Variants in C1GALT1 observed in about 807,000 individuals in gnomAD.
C1GALT1 encodes the protein glycoprotein-N-acetylgalactosamine 3-beta-galactosyltransferase 1.
Under a neutral mutation model 31.0 loss-of-function variants are expected in C1GALT1, and 11 were observed. The ratio of observed to expected loss-of-function variants is 0.36; its 90% CI spans 0.22 to 0.59. The LOEUF (loss-of-function observed/expected upper bound fraction) is 0.59. Ranked by LOEUF, C1GALT1 falls within the 20% of genes least tolerant of loss-of-function variation. The pLI is 0.79. For missense variants in C1GALT1, 424 were observed against 425.2 expected, an observed-to-expected ratio of 1.00 and a Z score of 0.03; for synonymous variants, 175 against 143.6, an observed-to-expected ratio of 1.22 and a Z score of -1.56.
intron 1 of C1GALT1, among the ~76,000 whole-genome samples, chr7:7,212,045 G>A (rs1023864713): frequency 6.6e-6 from 1 of 152,208 alleles, no homozygotes; most frequent in Non-Finnish European, 1.5e-5. Context: ...GTGTTAGCAA[G>A]AATGGTTATT....
intron 1 of C1GALT1, among the ~76,000 whole-genome samples, chr7:7,202,178 C>CA (rs1781554869): frequency 6.6e-6 from 1 of 152,216 alleles, no homozygotes; most frequent in Non-Finnish European, 1.5e-5. Flanking sequence ...ATTGGGCACT[C>CA]AGAGTTTTTT....
intron 2 of C1GALT1, among the ~76,000 whole-genome samples, chr7:7,172,186 C>A (rs373240516): frequency 6.6e-6 from 1 of 152,118 alleles, no homozygotes; most frequent in Non-Finnish European, 1.5e-5. Flanking sequence ...CTAACTTTTC[C>A]ATCATTTTGA....
intron 1 of C1GALT1, among the ~76,000 whole-genome samples, chr7:7,196,752 C>A (rs1781305478): frequency 6.6e-6 from 1 of 152,180 alleles, no homozygotes; most frequent in South Asian, 2.1e-4. Context: ...TAATGATCGC[C>A]ATTCTAACTG....
intron 1 of C1GALT1, among the ~76,000 whole-genome samples, chr7:7,232,833 G>A (rs1783151827): frequency 6.6e-6 from 1 of 151,996 alleles, no homozygotes; most frequent in African/African-American, 2.4e-5. Context: ...TCAAACTGTG[G>A]CTCCTTCTGA....
At chr7:7,223,120 G>A (rs896970316) in intron 1 of C1GALT1, among the ~76,000 whole-genome samples, 2 of 152,046 alleles carry the variant, frequency 1.3e-5, no homozygotes, top group Non-Finnish European at 2.9e-5. Flanking sequence ...TTCTTTCTGG[G>A]ATAATAACAT....
intron 2 of C1GALT1, among the ~76,000 whole-genome samples, chr7:7,162,720 A>C (rs1234192129): frequency 6.6e-6 from 1 of 151,934 alleles, no homozygotes; most frequent in Non-Finnish European, 1.5e-5. Context: ...GAACTAGTTT[A>C]CAGTCCCACC....
At position 7,238,320 on chromosome 7, in the gene C1GALT1, G is replaced by A. The variant is rs189360329; in HGVS notation, c.286G>A (p.Gly96Ser). The change falls in exon 3 of 4, where the codon GGC becomes AGC. Residue 96 changes from glycine (G) to serine (S), a missense_variant. Physicochemically the swap from Gly to Ser is moderately conservative, Grantham distance 56. Around this residue, in one of 3 missense-constraint regions of C1GALT1, gnomAD observed 189 missense variants for 158.2 expected, o/e 1.19. Coordinates refer to ENST00000436587, the MANE Select transcript of C1GALT1 (RefSeq NM_020156.5). This position sits in a 1 kb window ranked among gnomAD's most constrained non-coding sequence, Gnocchi z 5.2. ...KVRILCWVMT[G>S]PQNLEKKAKH... ...TAGAATTCTTTGCTGGGTTATGACC[G>A]GCCCTCAAAACCTAGAGAAAAAGGC... is the stretch of plus-strand genomic sequence containing the variant. 6 of 1,613,798 alleles carry A rather than the reference G, an allele frequency of 3.7e-6. No individual in the cohort carries two copies. In the Admixed American group the frequency reaches 8.3e-5, roughly 22 times the overall value.
At chr7:7,205,756 AAT>A (rs1412733398) in intron 1 of C1GALT1, among the ~76,000 whole-genome samples, 1 of 151,956 alleles carries the variant, frequency 6.6e-6, no homozygotes, top group Non-Finnish European at 1.5e-5. Flanking sequence ...GTATGAATGG[AAT>A]ATCTTTTTTT....
At chr7:7,181,664 C>G (rs997802777), upstream of C1GALT1, among the ~76,000 whole-genome samples, 3 of 152,172 alleles carry the variant, frequency 2.0e-5, no homozygotes, top group Non-Finnish European at 4.4e-5. Flanking sequence ...AAGATGCCAG[C>G]CCGGGCAGTC....
At chr7:7,201,192 G>A (rs540007213) in intron 1 of C1GALT1, among the ~76,000 whole-genome samples, 25 of 152,260 alleles carry the variant, frequency 1.6e-4, no homozygotes, top group African/African-American at 5.1e-4. Flanking sequence ...TGGTGTGGAT[G>A]TCCTTTCTGT....
chr7:7,210,962 C>T (rs1781977880), intron 1 of C1GALT1, among the ~76,000 whole-genome samples: 1 of 152,188 alleles, frequency 6.6e-6, no homozygotes, highest in South Asian at 2.1e-4. Flanking sequence ...ACTCCTACAA[C>T]ATTCCCGCCT....
intron 1 of C1GALT1, among the ~76,000 whole-genome samples, chr7:7,223,843 A>G (rs572182790): frequency 3.2e-4 from 49 of 152,066 alleles, no homozygotes; most frequent in Non-Finnish European, 6.2e-4. Context: ...TTCCTTGTTC[A>G]TGATCTTAAC....
rs535876261 is a variant in C1GALT1, at chr7:7,230,783, T to A, written c.-17-3520T>A. Among the ~76,000 whole-genome samples the A allele has an allele frequency of 5.3e-5, 8 of 151,970 alleles. No individual in the cohort carries two copies. The South Asian group carries it at 1.0e-3, about 20-fold the overall frequency. On this transcript the variant is annotated intron_variant, in intron 1 of 3. Coordinates refer to ENST00000436587, the MANE Select transcript of C1GALT1 (RefSeq NM_020156.5). ...CTATTATTAATCAGTTTTTTTTTTT[T>A]AAACAACTCCTGGACAGTGAAATGA... is the stretch of plus-strand genomic sequence containing the variant.
chr7:7,231,022 T>A (rs2128247291), intron 1 of C1GALT1, among the ~76,000 whole-genome samples: 1 of 152,330 alleles, frequency 6.6e-6, no homozygotes, highest in African/African-American at 2.4e-5. Context: ...TTCTTTTCCT[T>A]CTGCCTGAAG....
rs1255646882 is a variant in C1GALT1 at position 7,247,515 on chromosome 7, G to T, written c.*3788G>T. 1 of 152,084 alleles carries T rather than the reference G, an allele frequency of 6.6e-6. No homozygotes were observed. Among genetic ancestry groups the T allele is most frequent in the Non-Finnish European group, 1.5e-5 (1 of 67,968 alleles). 9.4% of individuals were successfully genotyped at this position (152,084 alleles called of 1,614,324 possible). A position where few individuals can be genotyped will look rare whatever the true frequency, so the allele number is the denominator to read the frequency against. Reference sequence around the variant, plus strand: ...TTTTTGAATACAGAATTGGATTTGAGCAGTAAATTTGCTAACTGGTTATTT... The same window carrying T: ...TTTTTGAATACAGAATTGGATTTGATCAGTAAATTTGCTAACTGGTTATTT... On this transcript the variant is annotated 3_prime_UTR_variant, in exon 4 of 4. Transcript: ENST00000436587.
chr7:7,174,911 A>G (rs1221741920), intron 2 of C1GALT1, among the ~76,000 whole-genome samples: 1 of 152,006 alleles, frequency 6.6e-6, no homozygotes, highest in East Asian at 1.9e-4. Context: ...AGCATATTTA[A>G]GACAATTGTT....
At chr7:7,199,942 G>A (rs895318971) in intron 1 of C1GALT1, among the ~76,000 whole-genome samples, 10 of 152,048 alleles carry the variant, frequency 6.6e-5, no homozygotes, top group East Asian at 3.9e-4. Flanking sequence ...GTCTCTGCAC[G>A]TGAGATGGGT....
chr7:7,169,413 G>C (rs974316482), intron 2 of C1GALT1, among the ~76,000 whole-genome samples: 2 of 152,092 alleles, frequency 1.3e-5, no homozygotes, highest in African/African-American at 4.8e-5. Context: ...TCTATGGTTA[G>C]CCTTTTGAAA....
At chr7:7,167,869 AGTCCTT>A (rs1189419298) in intron 2 of C1GALT1, among the ~76,000 whole-genome samples, 26 of 152,194 alleles carry the variant, frequency 1.7e-4, no homozygotes, top group Admixed American at 1.7e-3. Context: ...TGAGCAGCTT[AGTCCTT>A]GTCTCTGAAG....
Sources: gnomAD v4.1 joint callset for allele counts (sites outside exome capture counted in the v4.1 genomes callset) on GRCh38, gnomAD v4.1.1 for gene constraint, gnomAD v4.1.1 regional missense constraint, Gnocchi (gnomAD v3.1) non-coding constraint, MANE v1.5 for transcripts, NCBI Gene and HGNC (gene_info 2026-07-23, HGNC 2026-07-21) for gene names.